Variants in ABCA13 observed in about 807,000 individuals in gnomAD.
ABCA13 encodes ATP binding cassette subfamily A member 13, also known as ATP-binding cassette sub-family A member 13.
Under a neutral mutation model 478.7 loss-of-function variants are expected in ABCA13, and 476 were observed. That is an observed-to-expected ratio of 0.99 (90% CI 0.92 to 1.07). The LOEUF (loss-of-function observed/expected upper bound fraction) is 1.07, where lower values mean the gene tolerates loss of function less well. Among genes scored for constraint, ABCA13 ranks in the 50% least tolerant of loss-of-function variants. The pLI, the probability that ABCA13 is intolerant of heterozygous loss-of-function variation, is 0.00. For missense variants in ABCA13, 6,060 were observed against 5,910.6 expected, an observed-to-expected ratio of 1.03 and a Z score of -0.83; for synonymous variants, 2,252 against 2,158.9, an observed-to-expected ratio of 1.04 and a Z score of -1.20.
At chr7:48,567,673 A>G (rs1787215276) in intron 55 of ABCA13, among the ~76,000 whole-genome samples, 1 of 152,084 alleles carries the variant, frequency 6.6e-6, no homozygotes, top group Non-Finnish European at 1.5e-5. Context: ...GCATACATGT[A>G]ACTATCATCA....
intron 55 of ABCA13, among the ~76,000 whole-genome samples, chr7:48,569,523 CTTGT>C (rs376583758): frequency 9.2e-5 from 14 of 151,736 alleles, no homozygotes; most frequent in South Asian, 2.1e-4. Context: ...TTTTTGTTTG[CTTGT>C]TTGTTTGTTT....
intron 30 of ABCA13, 49 bp from the exon 31 acceptor site, chr7:48,352,132 C>T: frequency 6.5e-7 from 1 of 1,536,240 alleles, no homozygotes; most frequent in South Asian, 1.3e-5. Flanking sequence ...GTGGTTTGAG[C>T]CACTCCCTAC....
chr7:48,487,314 AAAAACAAAAC>A (rs1029727263), intron 47 of ABCA13, among the ~76,000 whole-genome samples: 1 of 128,202 alleles, frequency 7.8e-6, no homozygotes, highest in Admixed American at 7.5e-5. Flanking sequence ...GTCTCAAAAA[AAAAACAAAAC>A]AAAACAAAAC....
At chr7:48,519,823 A>G (rs1371387428) in intron 52 of ABCA13, among the ~76,000 whole-genome samples, 2 of 152,208 alleles carry the variant, frequency 1.3e-5, no homozygotes, top group African/African-American at 2.4e-5. Context: ...ACTGTTCTCA[A>G]GCAAGAAAAC....
At chr7:48,349,701 G>A (rs150414769) in intron 29 of ABCA13, among the ~76,000 whole-genome samples, 2,757 of 152,326 alleles carry the variant, frequency 0.018, 31 homozygotes, top group Admixed American at 0.023. Context: ...CTGTCAGTGG[G>A]TACTGATGCT....
intron 15 of ABCA13, among the ~76,000 whole-genome samples, chr7:48,260,073 G>A (rs1219164667): frequency 1.3e-5 from 2 of 151,902 alleles, no homozygotes; most frequent in Admixed American, 1.3e-4. Flanking sequence ...TCCTATATCT[G>A]AATGATCTTT....
At chr7:48,339,494 C>G (rs927302827) in intron 29 of ABCA13, among the ~76,000 whole-genome samples, 5 of 152,192 alleles carry the variant, frequency 3.3e-5, no homozygotes, top group Non-Finnish European at 7.3e-5. Flanking sequence ...CCTGAGTTTG[C>G]GTCTACCATG....
At chr7:48,355,593 A>T (rs1290115474) in intron 31 of ABCA13, among the ~76,000 whole-genome samples, 1 of 152,010 alleles carries the variant, frequency 6.6e-6, no homozygotes, top group African/African-American at 2.4e-5. Context: ...CAGAGAAATC[A>T]TTTAGAAGGC....
At chr7:48,401,188 A>G (rs1340387972) in intron 38 of ABCA13, among the ~76,000 whole-genome samples, 1 of 152,240 alleles carries the variant, frequency 6.6e-6, no homozygotes, top group Non-Finnish European at 1.5e-5. Flanking sequence ...GGATTATAAT[A>G]ATTTATACAC....
At chr7:48,631,171 A>G (rs969965123) in intron 59 of ABCA13, among the ~76,000 whole-genome samples, 4 of 151,908 alleles carry the variant, frequency 2.6e-5, no homozygotes, top group Non-Finnish European at 5.9e-5. Flanking sequence ...CTTAGGTCTC[A>G]CTTGTCAGTT....
rs185206538 is a variant in ABCA13 at position 48,625,387 on chromosome 7, G to T, written c.14837+10010G>T. On this transcript the variant is annotated intron_variant, in intron 59 of 61. Transcript: ENST00000435803. ...GCACATGAGCACAAAAATAATTTCT[G>T]CCATGATGTGGAACTATGGAATGAT... is the stretch of plus-strand genomic sequence containing the variant. Among the ~76,000 whole-genome samples, 428 of 152,292 alleles carry T rather than the reference G, an allele frequency of 2.8e-3. 1 individual carries two copies. The highest frequency in any genetic ancestry group is 5.0e-3 in the Non-Finnish European group (339 of 68,018).
chr7:48,408,438 C>T (rs1207772110), intron 39 of ABCA13, among the ~76,000 whole-genome samples: 1 of 152,200 alleles, frequency 6.6e-6, no homozygotes, highest in Non-Finnish European at 1.5e-5. Flanking sequence ...TTCTTAGCCT[C>T]AAAGGTCTAA....
intron 3 of ABCA13, among the ~76,000 whole-genome samples, chr7:48,211,793 A>G (rs1366917448): frequency 6.6e-6 from 1 of 151,984 alleles, no homozygotes; most frequent in Admixed American, 6.6e-5. Flanking sequence ...GGCTTCAGAA[A>G]TCTGCCTGGT....
At position 48,528,346 on chromosome 7, in the gene ABCA13, G is replaced by A. The variant is rs947469056; in HGVS notation, c.14354+1G>A. 1.9e-6 allele frequency: 3 copies of A among 1,540,160 alleles called. No individual in the cohort carries two copies. The highest frequency in any genetic ancestry group is 1.4e-5 in the African/African-American group (1 of 72,836). On this transcript the variant is annotated splice_donor_variant, in intron 55 of 61. Coordinates refer to ENST00000435803, the MANE Select transcript of ABCA13 (RefSeq NM_152701.5). LOFTEE classifies it high-confidence loss of function. ...ATGCTATCATCAGGACTCCCATGGGGTAAGATACAGATTTCATCATTTTTG... is the reference window on the plus strand; with the variant it reads ...ATGCTATCATCAGGACTCCCATGGGATAAGATACAGATTTCATCATTTTTG...
chr7:48,269,146 A>G, intron 16 of ABCA13, 52 bp downstream of exon 16: 1 of 1,046,052 alleles, frequency 9.6e-7, no homozygotes, highest in African/African-American at 1.6e-5. Context: ...TCATCTGAAG[A>G]TAATCAAAAC....
chr7:48,282,438 G>A (rs769110726), intron 19 of ABCA13, among the ~76,000 whole-genome samples: 2 of 152,186 alleles, frequency 1.3e-5, no homozygotes, highest in African/African-American at 2.4e-5. Flanking sequence ...CCCTGTCTTA[G>A]CTGATGGCAG....
At chr7:48,476,048 A>T (rs1382605059) in intron 45 of ABCA13, among the ~76,000 whole-genome samples, 1 of 152,198 alleles carries the variant, frequency 6.6e-6, no homozygotes, top group African/African-American at 2.4e-5. Flanking sequence ...TGAGATAATA[A>T]ATTATCACAC....
chr7:48,186,655 T>C (rs1468606189), intron 1 of ABCA13, among the ~76,000 whole-genome samples: 1 of 152,070 alleles, frequency 6.6e-6, no homozygotes, highest in East Asian at 1.9e-4. Flanking sequence ...TGAGGGGCAC[T>C]CTCTCCCTTA....
At chr7:48,557,182 T>C (rs1785920866) in intron 55 of ABCA13, among the ~76,000 whole-genome samples, 1 of 152,124 alleles carries the variant, frequency 6.6e-6, no homozygotes. Context: ...GTTATTATTT[T>C]TGATTGGGTT....
Sources: gnomAD v4.1 joint callset for allele counts (sites outside exome capture counted in the v4.1 genomes callset) on GRCh38, gnomAD v4.1.1 for gene constraint, MANE v1.5 for transcripts, NCBI Gene and HGNC (gene_info 2026-07-23, HGNC 2026-07-21) for gene names.